Variants in TTC28 observed in about 807,000 individuals in gnomAD.
The protein encoded by TTC28 is tetratricopeptide repeat protein 28.
In TTC28, 61 loss-of-function variants were observed where a neutral mutation model predicts 198.0. The observed-to-expected ratio is 0.31, with a 90% CI of 0.25 to 0.38. The LOEUF (loss-of-function observed/expected upper bound fraction) is 0.38. TTC28 is among the 10% of genes least tolerant of loss of function. The probability of loss-of-function intolerance (pLI) is 1.00; values close to 1 mark genes in which losing one functional copy is unlikely to be tolerated. For synonymous variants in TTC28, 1,171 were observed against 1,297.8 expected, an observed-to-expected ratio of 0.90 and a Z score of 2.10; for missense variants, 2,678 against 3,164.0, an observed-to-expected ratio of 0.85 and a Z score of 3.69.
chr22:28,376,231 T>C (rs940842847), intron 2 of TTC28, among the ~76,000 whole-genome samples: 3 of 152,334 alleles, frequency 2.0e-5, no homozygotes, highest in East Asian at 1.9e-4. Context: ...ATGAAATAAA[T>C]TGGCTCCTGA....
chr22:28,373,320 C>CAT (rs1431253341), intron 2 of TTC28, among the ~76,000 whole-genome samples: 1 of 151,148 alleles, frequency 6.6e-6, no homozygotes, highest in Non-Finnish European at 1.5e-5. Flanking sequence ...TGAGGCCCTT[C>CAT]ATATGGTACA....
intron 1 of TTC28, among the ~76,000 whole-genome samples, chr22:28,673,734 A>G (rs550417045): frequency 1.0e-3 from 157 of 152,348 alleles, no homozygotes; most frequent in African/African-American, 3.5e-3. Flanking sequence ...AAGACTATAG[A>G]TAATACAGTG....
At chr22:28,037,415 A>C (rs927625294) in intron 12 of TTC28, among the ~76,000 whole-genome samples, 1 of 152,208 alleles carries the variant, frequency 6.6e-6, no homozygotes, top group Non-Finnish European at 1.5e-5. Flanking sequence ...AATGACAAAA[A>C]CCACATGATT....
chr22:28,266,677 G>T (rs986994376), intron 5 of TTC28, among the ~76,000 whole-genome samples: 2 of 152,172 alleles, frequency 1.3e-5, no homozygotes, highest in Non-Finnish European at 2.9e-5. Context: ...CAGGGAAATT[G>T]CCAAGCCACT....
At chr22:28,022,969 C>G (rs1938672944) in intron 13 of TTC28, among the ~76,000 whole-genome samples, 1 of 152,212 alleles carries the variant, frequency 6.6e-6, no homozygotes, top group South Asian at 2.1e-4. Flanking sequence ...ACCTGTTCCC[C>G]TCCTTAATTG....
intron 2 of TTC28, among the ~76,000 whole-genome samples, chr22:28,621,375 G>A (rs537003506): frequency 2.0e-5 from 3 of 152,088 alleles, no homozygotes; most frequent in Non-Finnish European, 4.4e-5. Flanking sequence ...GCTCTGTTAG[G>A]TTGGTGCTAA....
intron 14 of TTC28, among the ~76,000 whole-genome samples, chr22:28,003,215 G>A (rs893919027): frequency 6.6e-6 from 1 of 152,112 alleles, no homozygotes; most frequent in Non-Finnish European, 1.5e-5. Flanking sequence ...ATAGGTAAAG[G>A]TGGCTCAGGG....
At chr22:28,591,034 CACACACATAT>C (rs1301900741) in intron 2 of TTC28, among the ~76,000 whole-genome samples, 114 of 47,950 alleles carry the variant, frequency 2.4e-3, no homozygotes, top group African/African-American at 5.9e-3. Flanking sequence ...CACACACACA[CACACACATAT>C]ATATATATAT....
chr22:28,286,067 T>G (rs1406718845), intron 5 of TTC28, among the ~76,000 whole-genome samples: 3 of 152,094 alleles, frequency 2.0e-5, no homozygotes, highest in African/African-American at 4.8e-5. Context: ...TGGCGTGATC[T>G]CGGCTCACCA....
intron 2 of TTC28, among the ~76,000 whole-genome samples, chr22:28,562,621 A>G (rs1470295637): frequency 6.6e-6 from 1 of 152,190 alleles, no homozygotes; most frequent in African/African-American, 2.4e-5. Flanking sequence ...AGAAGGGAGT[A>G]GCTGAAAAAA....
At chr22:28,317,249 T>C (rs1460582768) in intron 2 of TTC28, among the ~76,000 whole-genome samples, 1 of 152,216 alleles carries the variant, frequency 6.6e-6, no homozygotes, top group African/African-American at 2.4e-5. Context: ...TTATGTCATC[T>C]TAGAGTTGTT....
At chr22:28,340,860 G>A (rs1447693469) in intron 2 of TTC28, among the ~76,000 whole-genome samples, 1 of 152,098 alleles carries the variant, frequency 6.6e-6, no homozygotes, top group Non-Finnish European at 1.5e-5. Flanking sequence ...CTACAATGAA[G>A]GTCCTTTATA....
chr22:28,504,594 T>C (rs1031181647), intron 2 of TTC28, among the ~76,000 whole-genome samples: 1 of 152,190 alleles, frequency 6.6e-6, no homozygotes, highest in African/African-American at 2.4e-5. Flanking sequence ...CCTCAGCACC[T>C]AGTGCAGTAT....
chr22:28,030,147 A>C, intron 13 of TTC28, 79 bp downstream of exon 13: 1 of 1,505,156 alleles, frequency 6.6e-7, no homozygotes, highest in Middle Eastern at 2.3e-4. Flanking sequence ...AGCTGGAAGG[A>C]GCATCCACTG....
intron 2 of TTC28, among the ~76,000 whole-genome samples, chr22:28,342,765 A>G (rs1601660517): frequency 6.6e-6 from 1 of 152,234 alleles, no homozygotes. Context: ...ATATCTACAC[A>G]GTATGTCTAA....
intron 2 of TTC28, among the ~76,000 whole-genome samples, chr22:28,589,129 A>T (rs1283785015): frequency 6.6e-6 from 1 of 152,202 alleles, no homozygotes; most frequent in Non-Finnish European, 1.5e-5. Context: ...TACCTCAAGC[A>T]TTCCTAAATT....
chr22:28,121,310 T>C (rs1051057791), intron 6 of TTC28, among the ~76,000 whole-genome samples: 1 of 152,226 alleles, frequency 6.6e-6, no homozygotes, highest in Non-Finnish European at 1.5e-5. Flanking sequence ...ACCTCAACCC[T>C]ACTACATACA....
rs146169370 is a variant in TTC28, at chr22:28,672,502, C to A, written c.102+7120G>T. On this transcript the variant is annotated intron_variant, in intron 1 of 22. Coordinates refer to ENST00000397906, the MANE Select transcript of TTC28 (RefSeq NM_001145418.2). ...TTTTTATTAGAGACATGGTTTCACC[C>A]TGTTGGTCAGGCTGGTCTCAATCTC... Among the ~76,000 whole-genome samples, 57 of 151,924 alleles carry A rather than the reference C, an allele frequency of 3.8e-4. No individual in the cohort carries two copies. In the East Asian group the frequency reaches 0.01, roughly 27 times the overall value.
chr22:28,147,897 C>G (rs1261113127), intron 6 of TTC28, among the ~76,000 whole-genome samples: 1 of 152,082 alleles, frequency 6.6e-6, no homozygotes, highest in Non-Finnish European at 1.5e-5. Flanking sequence ...ATTTGAATAT[C>G]TAGAAAAGTG....
Sources: allele counts gnomAD v4.1 joint callset (sites outside exome capture counted in the v4.1 genomes callset), GRCh38; gene constraint gnomAD v4.1.1; transcripts MANE v1.5; gene names NCBI Gene and HGNC (gene_info 2026-07-23, HGNC 2026-07-21).